The following DRD2 variants were observed in gnomAD, a reference collection of about 807,000 sequenced individuals.
DRD2 encodes dopamine receptor D2, also known as D(2) dopamine receptor.
DRD2 carries 8 observed loss-of-function variants against 38.0 expected under a neutral mutation model. That is an observed-to-expected ratio of 0.21 (90% CI 0.12 to 0.38). The LOEUF is 0.38. Ranked by LOEUF, DRD2 falls within the 10% of genes least tolerant of loss-of-function variation. DRD2 has a pLI of 1.00. For synonymous variants in DRD2, 230 were observed against 238.6 expected, an observed-to-expected ratio of 0.96 and a Z score of 0.33; for missense variants, 403 against 607.7, an observed-to-expected ratio of 0.66 and a Z score of 3.54.
rs554260363 is a variant in DRD2 at position 113,423,294 on chromosome 11, G to T, written c.285+1073C>A. Among the ~76,000 whole-genome samples the T allele has an allele frequency of 7.8e-4, 113 of 144,538 alleles. 1 individual carries two copies. In the East Asian group the frequency reaches 0.017, roughly 22 times the overall value. The allele number at this position is 144,538 out of a possible 152,430, so 94.8% of individuals were successfully genotyped here. A position where few individuals can be genotyped will look rare whatever the true frequency, so the allele number is the denominator to read the frequency against. On this transcript the variant is annotated intron_variant, in intron 2 of 7. Transcript: ENST00000362072. ...TTTAATTTAATTTTATTTTTTTTTT[G>T]AGACAGAGTCTTGCTCTGTCGCCCA...
chr11:113,443,149 A>G (rs1299515567), intron 1 of DRD2, among the ~76,000 whole-genome samples: 2 of 152,198 alleles, frequency 1.3e-5, no homozygotes, highest in African/African-American at 4.8e-5. Flanking sequence ...GTTGTTTGAG[A>G]TGATGAGGCT....
intron 1 of DRD2, among the ~76,000 whole-genome samples, chr11:113,451,602 T>C (rs911105518): frequency 6.6e-6 from 1 of 152,220 alleles, no homozygotes. Context: ...GTGATTCTCC[T>C]GCCTCAGCCT....
At chr11:113,457,888 C>G (rs1318910446) in intron 1 of DRD2, among the ~76,000 whole-genome samples, 2 of 152,250 alleles carry the variant, frequency 1.3e-5, no homozygotes, top group Non-Finnish European at 2.9e-5. Context: ...ATGTCCCAGC[C>G]CTGGAAGCTG....
At chr11:113,465,474 C>T (rs1951360040) in intron 1 of DRD2, among the ~76,000 whole-genome samples, 1 of 151,844 alleles carries the variant, frequency 6.6e-6, no homozygotes, top group South Asian at 2.1e-4. Flanking sequence ...TGGAGTTGTC[C>T]CTGTGCTTAA....
chr11:113,472,099 G>A (rs1471087258), intron 1 of DRD2, among the ~76,000 whole-genome samples: 3 of 152,238 alleles, frequency 2.0e-5, no homozygotes, highest in Non-Finnish European at 2.9e-5. Context: ...TGCCAACACA[G>A]GATTGGCTCA....
intron 6 of DRD2, 46 bp downstream of exon 6, chr11:113,414,329 T>C: frequency 1.3e-6 from 2 of 1,581,286 alleles, no homozygotes; most frequent in Non-Finnish European, 1.7e-6. Context: ...TGGGCTTCCC[T>C]AGGGGCAGAA....
intron 1 of DRD2, among the ~76,000 whole-genome samples, chr11:113,456,595 A>G (rs1951270340): frequency 6.6e-6 from 1 of 152,206 alleles, no homozygotes; most frequent in Admixed American, 6.5e-5. Context: ...AAATCCTGTC[A>G]CATGCTACAA....
intron 1 of DRD2, among the ~76,000 whole-genome samples, chr11:113,460,859 A>G (rs912845332): frequency 3.0e-4 from 45 of 152,226 alleles, no homozygotes; most frequent in Admixed American, 2.6e-4. Context: ...GCCCAATGCC[A>G]AGTCCCAGGT....
chr11:113,472,450 C>T (rs1277246334), intron 1 of DRD2, among the ~76,000 whole-genome samples: 6 of 152,250 alleles, frequency 3.9e-5, no homozygotes, highest in East Asian at 3.9e-4. Context: ...AGAACAGAAG[C>T]GTTTGTCTCA....
At chr11:113,446,529 C>G (rs756591646) in intron 1 of DRD2, among the ~76,000 whole-genome samples, 2 of 152,206 alleles carry the variant, frequency 1.3e-5, no homozygotes, top group Non-Finnish European at 2.9e-5. Context: ...CTTTAATAAC[C>G]TATGTCAACT....
intron 1 of DRD2, among the ~76,000 whole-genome samples, chr11:113,467,057 G>C (rs143584711): frequency 6.6e-6 from 1 of 152,158 alleles, no homozygotes; most frequent in Non-Finnish European, 1.5e-5. Context: ...GGGGGCAGGC[G>C]GTGGGAGGCG....
chr11:113,441,931 G>A (rs1007893484), intron 1 of DRD2, among the ~76,000 whole-genome samples: 1 of 150,066 alleles, frequency 6.7e-6, no homozygotes, highest in Non-Finnish European at 1.5e-5. Context: ...CTGGGTGACA[G>A]AGTGAGACTC....
chr11:113,469,485 A>C (rs1951401036), intron 1 of DRD2, among the ~76,000 whole-genome samples: 1 of 152,116 alleles, frequency 6.6e-6, no homozygotes, highest in South Asian at 2.1e-4. Flanking sequence ...CTTTAGCCTT[A>C]AACAGTCTGG....
intron 2 of DRD2, among the ~76,000 whole-genome samples, chr11:113,420,674 C>G (rs1057056008): frequency 6.6e-6 from 1 of 152,096 alleles, no homozygotes; most frequent in Non-Finnish European, 1.5e-5. Flanking sequence ...ACTAAGCTGC[C>G]CTGGAAGGGA....
intron 1 of DRD2, among the ~76,000 whole-genome samples, chr11:113,439,055 A>G (rs944196716): frequency 5.3e-5 from 8 of 152,218 alleles, no homozygotes; most frequent in Non-Finnish European, 7.3e-5. Context: ...TGCAAACTCT[A>G]AAGTCCCATA....
intron 1 of DRD2, among the ~76,000 whole-genome samples, chr11:113,444,417 T>C (rs1226111762): frequency 6.6e-6 from 1 of 152,208 alleles, no homozygotes; most frequent in Admixed American, 6.5e-5. Context: ...TAAGGTAAAA[T>C]GAAATGATTG....
In DRD2 at chr11:113,439,838, C is replaced by CAAAAAAAAAA. The variant is rs67577307; in HGVS notation, c.-31-15166_-31-15157dup. Reference sequence around the variant, plus strand: ...TGGGTGACAGAGGGAGGCTCTGTCTCAAAAAAAAAAAAAAAAAAAAAAAAA... The same window carrying CAAAAAAAAAA: ...TGGGTGACAGAGGGAGGCTCTGTCTCAAAAAAAAAAAAAAAAAAAAAAAAAAAAAAAAAAA... On this transcript the variant is annotated intron_variant, in intron 1 of 7. Coordinates refer to ENST00000362072, the MANE Select transcript of DRD2 (RefSeq NM_000795.4). Among the ~76,000 whole-genome samples the CAAAAAAAAAA allele has an allele frequency of 6.2e-4, 10 of 16,252 alleles. 4 individuals carry two copies. The highest frequency in any genetic ancestry group is 0.012 in the East Asian group (2 of 166). 10.7% of individuals were successfully genotyped at this position (16,252 alleles called of 152,430 possible).
chr11:113,417,140 CA>C (rs1240869965), intron 3 of DRD2, 141 bp from the exon 4 acceptor site: 117 of 1,272,810 alleles, frequency 9.2e-5, no homozygotes, highest in Non-Finnish European at 2.4e-5. Context: ...GATGCTAACT[CA>C]ACCCTCCCTC....
chr11:113,425,713 C>G (rs2138182202), intron 1 of DRD2, among the ~76,000 whole-genome samples: 1 of 151,898 alleles, frequency 6.6e-6, no homozygotes, highest in Middle Eastern at 3.4e-3. Flanking sequence ...GCAGAATGGG[C>G]ATCTCATCCC....
Sources: allele counts gnomAD v4.1 joint callset (sites outside exome capture counted in the v4.1 genomes callset), GRCh38; gene constraint gnomAD v4.1.1; transcripts MANE v1.5; gene names NCBI Gene and HGNC (gene_info 2026-07-23, HGNC 2026-07-21).